The following NR2E1 variants were observed in gnomAD, a reference collection of about 807,000 sequenced individuals.
NR2E1 encodes nuclear receptor subfamily 2 group E member 1, also known as nuclear receptor TLX.
In NR2E1, 5 loss-of-function variants were observed where a neutral mutation model predicts 43.6. That is an observed-to-expected ratio of 0.11 (90% CI 0.06 to 0.24). NR2E1 has a LOEUF of 0.24. NR2E1 is among the 10% of genes least tolerant of loss of function. The pLI is 1.00. For missense variants in NR2E1, 287 were observed against 496.7 expected, an observed-to-expected ratio of 0.58 and a Z score of 4.01; for synonymous variants, 191 against 195.5, an observed-to-expected ratio of 0.98 and a Z score of 0.19.
intron 4 of NR2E1, among the ~76,000 whole-genome samples, chr6:108,177,318 A>G (rs955064032): frequency 8.5e-5 from 13 of 152,268 alleles, no homozygotes; most frequent in African/African-American, 3.1e-4. Context: ...CTTCTGAGGC[A>G]GGTGGATTTA....
chr6:108,182,127 AGCTACTCGGAAG>A (rs1264363967), intron 8 of NR2E1, among the ~76,000 whole-genome samples: 1 of 151,872 alleles, frequency 6.6e-6, no homozygotes, highest in East Asian at 2.0e-4. Flanking sequence ...TAGTCCCAGC[AGCTACTCGGAAG>A]GCTGAGGCAG....
chr6:108,172,146 G>A (rs975545749), intron 2 of NR2E1, among the ~76,000 whole-genome samples: 1 of 152,204 alleles, frequency 6.6e-6, no homozygotes, highest in Admixed American at 6.5e-5. Context: ...AAGAGAGGCC[G>A]TGCTTTCTGA....
chr6:108,187,260 A>G (rs1383914652), intron 8 of NR2E1, 41 bp from the exon 9 acceptor site: 1 of 1,611,684 alleles, frequency 6.2e-7, no homozygotes, highest in East Asian at 2.2e-5. Context: ...TTCCATAAGT[A>G]ATGGCCTCTG....
At chr6:108,183,518 G>A (rs555511129) in intron 8 of NR2E1, among the ~76,000 whole-genome samples, 1 of 152,256 alleles carries the variant, frequency 6.6e-6, no homozygotes, top group Admixed American at 6.5e-5. Flanking sequence ...TGAAAGCTCA[G>A]CTCCATAATC....
chr6:108,171,474 C>A lies in NR2E1; in HGVS notation c.42C>A (p.Ile14=). Residue 14 remains isoleucine (I), a synonymous_variant, in exon 2 of 9, where the codon ATC becomes ATA. Transcript: ENST00000368986. ...PAGSTSRILD[I]PCKVCGDRSS... ...CGATTTCAGGCCGCATTTTAGATAT[C>A]CCCTGCAAAGTGTGTGGCGACCGCA... is the stretch of plus-strand genomic sequence containing the variant. The A allele has an allele frequency of 6.2e-7, 1 of 1,613,976 alleles. No homozygotes were observed. The highest frequency in any genetic ancestry group is 1.1e-5 in the South Asian group (1 of 91,072).
chr6:108,184,797 G>A (rs933618300), intron 8 of NR2E1, among the ~76,000 whole-genome samples: 27 of 152,080 alleles, frequency 1.8e-4, no homozygotes, highest in Admixed American at 1.8e-3. Flanking sequence ...CCCCAACACC[G>A]CAAAAGAAGA....
intron 3 of NR2E1, 116 bp downstream of exon 3, chr6:108,175,039 T>A (rs1298342155): frequency 1.1e-6 from 1 of 949,414 alleles, no homozygotes; most frequent in Non-Finnish European, 1.7e-6. Context: ...TCTTTCCAGA[T>A]GCTGGGAATT....
chr6:108,182,004 G>A (rs1304318070), intron 8 of NR2E1, among the ~76,000 whole-genome samples: 2 of 152,120 alleles, frequency 1.3e-5, no homozygotes, highest in East Asian at 1.9e-4. Flanking sequence ...TTGGGAGGCC[G>A]AGGTGGGTGG....
At chr6:108,185,426 A>G (rs1334531488) in intron 8 of NR2E1, among the ~76,000 whole-genome samples, 2 of 151,842 alleles carry the variant, frequency 1.3e-5, no homozygotes, top group Non-Finnish European at 2.9e-5. Flanking sequence ...ACACACACAC[A>G]CACACATTGT....
At chr6:108,175,698 C>T (rs544325353) in intron 3 of NR2E1, among the ~76,000 whole-genome samples, 1 of 152,276 alleles carries the variant, frequency 6.6e-6, no homozygotes, top group African/African-American at 2.4e-5. Flanking sequence ...CACCGTGGGG[C>T]CTGGGAACAG....
chr6:108,181,561 G>T lies in NR2E1; in HGVS notation c.905G>T (p.Gly302Val). 6.2e-7 allele frequency: 1 copy of T among 1,613,876 alleles called. No homozygotes were observed. ...TCATTTCTAGTTCCTACACATAGTG[G>T]TTCTGAACTGAGAAGTTTCCGGAAT... is the stretch of plus-strand genomic sequence containing the variant. ...VTFKAVPTHS[G>V]SELRSFRNAA... Residue 302 changes from glycine (G) to valine (V), a missense_variant, in exon 8 of 9, where the codon GGT becomes GTT. Coordinates refer to ENST00000368986, the MANE Select transcript of NR2E1 (RefSeq NM_003269.5).
At chr6:108,167,979 C>T in intron 1 of NR2E1, 1 of 1,550,830 alleles carries the variant, frequency 6.4e-7, no homozygotes, top group Non-Finnish European at 8.7e-7. Context: ...GGGTGCTGAC[C>T]TTTAAAAAAT....
chr6:108,182,241 CAAAAAAAA>C (rs766203121), intron 8 of NR2E1, among the ~76,000 whole-genome samples: 1 of 74,320 alleles, frequency 1.3e-5, no homozygotes, highest in Non-Finnish European at 3.1e-5. Flanking sequence ...GACTCCGTCT[CAAAAAAAA>C]AAAAAAAAAA....
chr6:108,184,526 G>C (rs1323445692), intron 8 of NR2E1, among the ~76,000 whole-genome samples: 1 of 152,176 alleles, frequency 6.6e-6, no homozygotes, highest in Non-Finnish European at 1.5e-5. Flanking sequence ...GGGAGTGAGG[G>C]ACAATCAGAA....
chr6:108,183,523 A>G (rs1244354156), intron 8 of NR2E1, among the ~76,000 whole-genome samples: 5 of 152,294 alleles, frequency 3.3e-5, no homozygotes, highest in African/African-American at 1.2e-4. Flanking sequence ...GCTCAGCTCC[A>G]TAATCTCAAC....
In NR2E1 at chr6:108,182,241, C is replaced by CAA. The variant is rs766203121; in HGVS notation, c.995+610_995+611dup. On this transcript the variant is annotated intron_variant, in intron 8 of 8. Coordinates refer to ENST00000368986, the MANE Select transcript of NR2E1 (RefSeq NM_003269.5). Reference sequence around the variant, plus strand: ...TGGGCGACAGAGCGAGACTCCGTCTCAAAAAAAAAAAAAAAAAAAAAGAAG... The same window carrying CAA: ...TGGGCGACAGAGCGAGACTCCGTCTCAAAAAAAAAAAAAAAAAAAAAAAGAAG... 1.3e-3 allele frequency among the ~76,000 whole-genome samples: 96 copies of CAA among 73,912 alleles called. 1 individual carries two copies. The highest frequency in any genetic ancestry group is 0.012 in the East Asian group (28 of 2,390). 48.5% of individuals were successfully genotyped at this position (73,912 alleles called of 152,430 possible).
At chr6:108,183,875 G>C (rs1338501742) in intron 8 of NR2E1, among the ~76,000 whole-genome samples, 1 of 152,096 alleles carries the variant, frequency 6.6e-6, no homozygotes, top group Admixed American at 6.6e-5. Flanking sequence ...ATTAAATGGA[G>C]CAGTACATAA....
intron 8 of NR2E1, among the ~76,000 whole-genome samples, chr6:108,186,864 G>A (rs1582452313): frequency 6.6e-6 from 1 of 152,144 alleles, no homozygotes; most frequent in Non-Finnish European, 1.5e-5. Context: ...GAATTGCTTA[G>A]AAAAAGAAGC....
At chr6:108,168,127 G>A in intron 1 of NR2E1, 2 of 1,599,376 alleles carry the variant, frequency 1.3e-6, no homozygotes, top group African/African-American at 2.7e-5. Context: ...TTAGGCTCGG[G>A]CCTACCCTGG....
Sources: allele counts gnomAD v4.1 joint callset (sites outside exome capture counted in the v4.1 genomes callset), GRCh38; gene constraint gnomAD v4.1.1; transcripts MANE v1.5; gene names NCBI Gene and HGNC (gene_info 2026-07-23, HGNC 2026-07-21).